PAK5: variants seen among roughly 807,000 people sequenced by gnomAD.
PAK5 encodes the protein serine/threonine-protein kinase PAK 5.
In PAK5, 16 loss-of-function variants were observed where a neutral mutation model predicts 65.9. The observed-to-expected ratio is 0.24, with a 90% CI of 0.16 to 0.37. PAK5 has a LOEUF of 0.37. Ranked by LOEUF, PAK5 falls within the 10% of genes least tolerant of loss-of-function variation. The pLI is 1.00. For synonymous variants in PAK5, 371 were observed against 354.9 expected (o/e 1.05, Z -0.51); for missense variants, 785 against 903.9 (o/e 0.87, Z 1.69).
chr20:9,759,566 A>G (rs1319740437), intron 1 of PAK5, among the ~76,000 whole-genome samples: 1 of 152,112 alleles, frequency 6.6e-6, no homozygotes, highest in Non-Finnish European at 1.5e-5. Context: ...ATGAATTTGC[A>G]TCTCTATCAA....
intron 2 of PAK5, among the ~76,000 whole-genome samples, chr20:9,658,261 C>T (rs1478707677): frequency 6.6e-6 from 1 of 152,140 alleles, no homozygotes; most frequent in Non-Finnish European, 1.5e-5. Context: ...ATAATTTGTG[C>T]TGGGTCCAGT....
intron 1 of PAK5, among the ~76,000 whole-genome samples, chr20:9,786,950 T>A (rs1223243434): frequency 6.6e-6 from 1 of 152,166 alleles, no homozygotes; most frequent in Non-Finnish European, 1.5e-5. Context: ...TAAATAGATT[T>A]AAAATAGGCT....
At chr20:9,623,231 T>C (rs2046796730) in intron 3 of PAK5, among the ~76,000 whole-genome samples, 1 of 152,044 alleles carries the variant, frequency 6.6e-6, no homozygotes, top group Non-Finnish European at 1.5e-5. Flanking sequence ...TTAATATTAT[T>C]GGGGGAGTGA....
intron 1 of PAK5, among the ~76,000 whole-genome samples, chr20:9,762,819 G>T (rs1410925365): frequency 6.6e-6 from 1 of 152,094 alleles, no homozygotes; most frequent in Non-Finnish European, 1.5e-5. Flanking sequence ...GTGCTCCCTT[G>T]TTCACTGTGG....
chr20:9,611,809 G>A (rs140587278), intron 3 of PAK5, among the ~76,000 whole-genome samples: 18 of 152,278 alleles, frequency 1.2e-4, no homozygotes, highest in African/African-American at 4.1e-4. Context: ...AGTCTAAGGA[G>A]TTACTTGTGC....
intron 3 of PAK5, among the ~76,000 whole-genome samples, chr20:9,637,084 T>C (rs1383079480): frequency 1.3e-5 from 2 of 152,238 alleles, no homozygotes; most frequent in Non-Finnish European, 2.9e-5. Context: ...CACTGTAGCT[T>C]TGACCACCTA....
chr20:9,710,975 G>A (rs2048070923), intron 2 of PAK5, among the ~76,000 whole-genome samples: 1 of 152,110 alleles, frequency 6.6e-6, no homozygotes, highest in Non-Finnish European at 1.5e-5. Flanking sequence ...TAAGTGTTCT[G>A]CTCTGACACT....
intron 3 of PAK5, among the ~76,000 whole-genome samples, chr20:9,641,629 G>A (rs1427725672): frequency 6.6e-6 from 1 of 152,052 alleles, no homozygotes; most frequent in East Asian, 1.9e-4. Context: ...ACTGGGCGCT[G>A]TGGAGCAGGG....
At chr20:9,726,840 A>T (rs1238935862) in intron 1 of PAK5, among the ~76,000 whole-genome samples, 1 of 152,200 alleles carries the variant, frequency 6.6e-6, no homozygotes, top group South Asian at 2.1e-4. Flanking sequence ...AAGAAAAAAA[A>T]GTATTAGCGA....
At chr20:9,730,739 C>A (rs2048327310) in intron 1 of PAK5, among the ~76,000 whole-genome samples, 1 of 152,146 alleles carries the variant, frequency 6.6e-6, no homozygotes, top group Non-Finnish European at 1.5e-5. Flanking sequence ...CACTATTAGC[C>A]CAAGCAAGTG....
chr20:9,661,931 T>C (rs1289306061), intron 2 of PAK5, among the ~76,000 whole-genome samples: 1 of 152,112 alleles, frequency 6.6e-6, no homozygotes, highest in African/African-American at 2.4e-5. Flanking sequence ...CTTAGCATGG[T>C]CTCCTGGGGG....
chr20:9,646,832 G>A lies in PAK5; in HGVS notation c.-11-2493C>T, dbSNP rs146593240. On this transcript the variant is annotated intron_variant, in intron 2 of 9. Coordinates refer to ENST00000353224, the MANE Select transcript of PAK5 (RefSeq NM_177990.4). ...CTATCCTGCTGGAAGATGAGGGGCT[G>A]TGTATCCCAGTTACCTGTCTCCCCA... is the stretch of plus-strand genomic sequence containing the variant. Among the ~76,000 whole-genome samples, 553 of 152,282 alleles carry A rather than the reference G, an allele frequency of 3.6e-3. 2 individuals carry two copies. The highest frequency in any genetic ancestry group is 0.012 in the African/African-American group (516 of 41,554).
chr20:9,835,550 A>G (rs1842207417), intron 1 of PAK5, among the ~76,000 whole-genome samples: 1 of 152,144 alleles, frequency 6.6e-6, no homozygotes, highest in South Asian at 2.1e-4. Flanking sequence ...GGGAACTGAC[A>G]TTATCCTCTC....
chr20:9,630,335 AG>A (rs1466046423), intron 3 of PAK5, among the ~76,000 whole-genome samples: 1 of 152,204 alleles, frequency 6.6e-6, no homozygotes, highest in Non-Finnish European at 1.5e-5. Context: ...AGTTACACGA[AG>A]GGGTCTTTTA....
intron 1 of PAK5, among the ~76,000 whole-genome samples, chr20:9,783,791 T>C (rs767174851): frequency 4.6e-5 from 7 of 152,174 alleles, no homozygotes; most frequent in Non-Finnish European, 1.0e-4. Flanking sequence ...GAAACAGTGG[T>C]TGTCTCATTT....
chr20:9,556,483 G>A (rs140169266), intron 7 of PAK5, among the ~76,000 whole-genome samples: 2 of 152,332 alleles, frequency 1.3e-5, no homozygotes, highest in Non-Finnish European at 2.9e-5. Flanking sequence ...CCATGTGGCA[G>A]GGGTTGCAGG....
At chr20:9,604,980 GGAA>G (rs1348098498) in intron 3 of PAK5, among the ~76,000 whole-genome samples, 1 of 152,182 alleles carries the variant, frequency 6.6e-6, no homozygotes, top group African/African-American at 2.4e-5. Flanking sequence ...AGCAACTCAA[GGAA>G]GAAGGACTTT....
At chr20:9,827,323 T>G (rs561156678) in intron 1 of PAK5, among the ~76,000 whole-genome samples, 27 of 152,346 alleles carry the variant, frequency 1.8e-4, no homozygotes, top group African/African-American at 6.5e-4. Context: ...GCTTCTTGAA[T>G]CTATCTAACT....
intron 2 of PAK5, among the ~76,000 whole-genome samples, chr20:9,662,734 C>G (rs1465527073): frequency 1.3e-5 from 2 of 152,032 alleles, no homozygotes; most frequent in African/African-American, 2.4e-5. Flanking sequence ...GTTCTGGGGT[C>G]TAGTTGTTAT....
Sources: gnomAD v4.1 joint callset for allele counts (sites outside exome capture counted in the v4.1 genomes callset) on GRCh38, gnomAD v4.1.1 for gene constraint, MANE v1.5 for transcripts, NCBI Gene and HGNC (gene_info 2026-07-23, HGNC 2026-07-21) for gene names.